Variants in ZNF407 observed in about 807,000 individuals in gnomAD.
ZNF407 encodes the protein zinc finger protein 407.
In ZNF407, 17 loss-of-function variants were observed where a neutral mutation model predicts 131.2. The observed-to-expected ratio is 0.13, with a 90% CI of 0.09 to 0.19. ZNF407 has a LOEUF of 0.19. ZNF407 is among the 10% of genes least tolerant of loss of function. The probability of loss-of-function intolerance (pLI) is 1.00; values close to 1 mark genes in which losing one functional copy is unlikely to be tolerated. For synonymous variants in ZNF407, 1,156 were observed against 1,062.0 expected (o/e 1.09, Z -1.72); for missense variants, 2,681 against 2,830.6 (o/e 0.95, Z 1.20).
chr18:75,008,465 C>G (rs1972936848), intron 8 of ZNF407, among the ~76,000 whole-genome samples: 1 of 152,208 alleles, frequency 6.6e-6, no homozygotes, highest in African/African-American at 2.4e-5. Flanking sequence ...CTGCAGACCT[C>G]AAATGAGCTC....
At chr18:74,992,672 G>T (rs184688068) in intron 8 of ZNF407, among the ~76,000 whole-genome samples, 1 of 152,346 alleles carries the variant, frequency 6.6e-6, no homozygotes, top group African/African-American at 2.4e-5. Flanking sequence ...CCCTGGGACA[G>T]TTGGAGTTTG....
intron 8 of ZNF407, among the ~76,000 whole-genome samples, chr18:75,000,294 A>G (rs1452630374): frequency 6.6e-6 from 1 of 152,236 alleles, no homozygotes; most frequent in East Asian, 1.9e-4. Context: ...TTTTTAAATA[A>G]CATGCTACAG....
At chr18:74,842,193 C>G (rs1284213249) in intron 4 of ZNF407, among the ~76,000 whole-genome samples, 1 of 152,028 alleles carries the variant, frequency 6.6e-6, no homozygotes. Context: ...TTATTCATGG[C>G]TAAATTGCCC....
At chr18:74,922,217 T>C (rs1971855522) in intron 8 of ZNF407, among the ~76,000 whole-genome samples, 2 of 152,218 alleles carry the variant, frequency 1.3e-5, no homozygotes, top group South Asian at 4.1e-4. Context: ...TATGGGTTCT[T>C]CATAAATATG....
intron 7 of ZNF407, among the ~76,000 whole-genome samples, chr18:74,913,550 A>G (rs1040894738): frequency 5.3e-5 from 8 of 152,122 alleles, no homozygotes; most frequent in Non-Finnish European, 1.0e-4. Context: ...AATATAAGAC[A>G]TATCTGTAGC....
intron 7 of ZNF407, among the ~76,000 whole-genome samples, chr18:74,910,428 C>G (rs1240197263): frequency 6.6e-6 from 1 of 151,794 alleles, no homozygotes; most frequent in East Asian, 1.9e-4. Context: ...ATTTTTTGAC[C>G]CTTTTAGAAA....
intron 4 of ZNF407, among the ~76,000 whole-genome samples, chr18:74,795,060 CT>C (rs1001808058): frequency 5.3e-5 from 8 of 151,664 alleles, no homozygotes; most frequent in Middle Eastern, 3.2e-3. Flanking sequence ...CAGACTTTTC[CT>C]TTTTTTTCTT....
intron 4 of ZNF407, among the ~76,000 whole-genome samples, chr18:74,843,277 A>G (rs925217807): frequency 2.0e-5 from 3 of 152,230 alleles, no homozygotes; most frequent in African/African-American, 7.2e-5. Flanking sequence ...AAATATTTAT[A>G]TAAATAAAAC....
At chr18:74,896,239 T>C (rs1971451619) in intron 7 of ZNF407, among the ~76,000 whole-genome samples, 1 of 152,176 alleles carries the variant, frequency 6.6e-6, no homozygotes, top group African/African-American at 2.4e-5. Context: ...CCTGGTTTGA[T>C]CAGAACAGAC....
intron 3 of ZNF407, among the ~76,000 whole-genome samples, chr18:74,759,698 A>G (rs1443673829): frequency 6.6e-6 from 1 of 151,486 alleles, no homozygotes; most frequent in Non-Finnish European, 1.5e-5. Context: ...TCCAGAATTT[A>G]TATATGCTTC....
At chr18:74,909,425 T>A (rs1416436322) in intron 7 of ZNF407, among the ~76,000 whole-genome samples, 1 of 152,172 alleles carries the variant, frequency 6.6e-6, no homozygotes, top group Non-Finnish European at 1.5e-5. Context: ...CATGTTGTTC[T>A]ACCATAGAGC....
intron 7 of ZNF407, among the ~76,000 whole-genome samples, chr18:74,914,727 T>G (rs1198186295): frequency 6.6e-6 from 1 of 152,168 alleles, no homozygotes; most frequent in Non-Finnish European, 1.5e-5. Context: ...CTGCCTGAGT[T>G]GACACCCAGG....
chr18:74,615,722 A>G (rs889189364), intron 1 of ZNF407, among the ~76,000 whole-genome samples: 13 of 152,212 alleles, frequency 8.5e-5, no homozygotes, highest in African/African-American at 2.7e-4. Flanking sequence ...GAGTAATATT[A>G]CAGTTAGGAC....
At position 75,063,088 on chromosome 18, in the gene ZNF407, T is replaced by A. The variant is rs1973657501; in HGVS notation, c.5429-62T>A. 16 of 1,440,564 alleles carry A rather than the reference T, an allele frequency of 1.1e-5. No individual in the cohort carries two copies. The highest frequency in any genetic ancestry group is 1.4e-5 in the Non-Finnish European group (15 of 1,064,072). The allele number at this position is 1,440,564 out of a possible 1,614,324, so 89.2% of individuals were successfully genotyped here. On this transcript the variant is annotated intron_variant, in intron 8 of 8. Coordinates refer to ENST00000299687, the MANE Select transcript of ZNF407 (RefSeq NM_017757.3). This position sits in a 1 kb window ranked among gnomAD's most constrained non-coding sequence, Gnocchi z 6.6. ...GGCCTGAGCGCTTCTGCAGAAGAAG[T>A]GTCTTACTTGTAAGCCTACGAGTAC...
intron 3 of ZNF407, among the ~76,000 whole-genome samples, chr18:74,678,291 T>G (rs1270503779): frequency 6.6e-6 from 1 of 152,224 alleles, no homozygotes; most frequent in Non-Finnish European, 1.5e-5. Context: ...AGTTTGAAGC[T>G]GGGCAGGACT....
chr18:74,796,341 G>A (rs994430549), intron 4 of ZNF407, among the ~76,000 whole-genome samples: 19 of 152,140 alleles, frequency 1.2e-4, no homozygotes, highest in Admixed American at 1.2e-3. Flanking sequence ...CTGATAGAGC[G>A]TTAGGTTTTG....
Position 74,632,084 on chromosome 18 carries a change from G to T in ZNF407, c.1065G>T (p.Leu355Phe). 10 of 1,613,864 alleles carry T rather than the reference G, an allele frequency of 6.2e-6. No individual in the cohort carries two copies. The highest frequency in any genetic ancestry group is 8.5e-6 in the Non-Finnish European group (10 of 1,179,860). Residue 355 changes from leucine to phenylalanine, a missense_variant, in exon 2 of 9, where the codon TTG (leucine) becomes TTT (phenylalanine). This residue lies in a region of ZNF407 where 1,789 missense variants were observed against 1,748.7 expected (regional missense o/e 1.02). Coordinates refer to ENST00000299687, the MANE Select transcript of ZNF407 (RefSeq NM_017757.3). The stretch of plus-strand genomic sequence containing the variant: ...AAATGATGCCTTCCAGAAATACTTT[G>T]TCACAGGAAGTAGAGATTGTTGAAG... Reference protein sequence around the residue: ...LVEMMPSRNTLSQEVEIVEEH... With the variant: ...LVEMMPSRNTFSQEVEIVEEH...
intron 6 of ZNF407, among the ~76,000 whole-genome samples, chr18:74,888,563 T>C (rs1971342571): frequency 6.6e-6 from 1 of 152,242 alleles, no homozygotes; most frequent in South Asian, 2.1e-4. Flanking sequence ...TTAGATTTGA[T>C]AAAAGTTACA....
intron 4 of ZNF407, among the ~76,000 whole-genome samples, chr18:74,803,194 T>A (rs773668753): frequency 1.3e-5 from 2 of 152,212 alleles, no homozygotes; most frequent in African/African-American, 2.4e-5. Flanking sequence ...CACTCAATCC[T>A]GAGCTAACTG....
Sources: allele counts gnomAD v4.1 joint callset (sites outside exome capture counted in the v4.1 genomes callset), GRCh38; gene constraint gnomAD v4.1.1; regional missense constraint gnomAD v4.1.1; non-coding constraint Gnocchi (gnomAD v3.1); transcripts MANE v1.5; gene names NCBI Gene and HGNC (gene_info 2026-07-23, HGNC 2026-07-21).